CTNND2: variants seen among roughly 807,000 people sequenced by gnomAD.
The protein encoded by CTNND2 is catenin delta-2.
Under a neutral mutation model 144.4 loss-of-function variants are expected in CTNND2, and 22 were observed. The ratio of observed to expected loss-of-function variants is 0.15; its 90% confidence interval spans 0.11 to 0.22. The LOEUF (loss-of-function observed/expected upper bound fraction) is 0.22, where lower values mean the gene tolerates loss of function less well. Ranked by LOEUF, CTNND2 falls within the 10% of genes least tolerant of loss-of-function variation. The pLI is 1.00. For missense variants in CTNND2, 1,353 were observed against 1,618.8 expected, an observed-to-expected ratio of 0.84 and a Z score of 2.82; for synonymous variants, 751 against 695.6, an observed-to-expected ratio of 1.08 and a Z score of -1.25.
intron 16 of CTNND2, among the ~76,000 whole-genome samples, chr5:11,061,623 C>T (rs78600358): frequency 0.065 from 9,910 of 152,194 alleles, 539 homozygotes; most frequent in African/African-American, 0.14. Context: ...TTCCTGACCA[C>T]CCCATTCAAC....
intron 11 of CTNND2, among the ~76,000 whole-genome samples, chr5:11,190,239 C>T (rs1736106946): frequency 1.3e-5 from 2 of 152,218 alleles, no homozygotes; most frequent in Non-Finnish European, 2.9e-5. Flanking sequence ...TAACACTGGA[C>T]TCTCCCAGCC....
chr5:11,306,034 T>C lies in CTNND2; in HGVS notation c.1628+40338A>G, dbSNP rs1685354043. ...AGGTCTTAAGAGAGTTTTTGAAGAC[T>C]TTATACTTGTTCTTAAATGTAACAG... On this transcript the variant is annotated intron_variant, in intron 9 of 21. Coordinates refer to ENST00000304623, the MANE Select transcript of CTNND2 (RefSeq NM_001332.4). 3.3e-5 allele frequency among the ~76,000 whole-genome samples: 5 copies of C among 152,212 alleles called. No individual in the cohort carries two copies. In the South Asian group the frequency reaches 8.3e-4, roughly 25 times the overall value.
intron 9 of CTNND2, among the ~76,000 whole-genome samples, chr5:11,344,398 A>C (rs1754568677): frequency 1.3e-5 from 2 of 152,178 alleles, no homozygotes; most frequent in Admixed American, 1.3e-4. Flanking sequence ...TCTCAAAAAA[A>C]AAAAAAACAT....
intron 2 of CTNND2, among the ~76,000 whole-genome samples, chr5:11,719,309 CTG>C (rs1216937547): frequency 3.3e-5 from 5 of 152,202 alleles, no homozygotes. Flanking sequence ...GTAGCTTACT[CTG>C]TGTCATGGCA....
At chr5:11,358,161 T>C (rs1241326311) in intron 8 of CTNND2, among the ~76,000 whole-genome samples, 1 of 152,176 alleles carries the variant, frequency 6.6e-6, no homozygotes, top group East Asian at 1.9e-4. Flanking sequence ...GCCAGCTGTG[T>C]AATTTTCAGT....
intron 9 of CTNND2, among the ~76,000 whole-genome samples, chr5:11,277,558 G>C (rs1746673271): frequency 7.3e-6 from 1 of 136,742 alleles, no homozygotes. Context: ...TTTTGAGATG[G>C]AGTCTCTCTC....
intron 9 of CTNND2, among the ~76,000 whole-genome samples, chr5:11,261,820 C>CA (rs1744888092): frequency 6.6e-6 from 1 of 152,112 alleles, no homozygotes; most frequent in Admixed American, 6.5e-5. Flanking sequence ...TGAATGGGCC[C>CA]ACAATTTTCC....
chr5:11,060,651 G>C (rs1746859914), intron 16 of CTNND2, among the ~76,000 whole-genome samples: 1 of 152,112 alleles, frequency 6.6e-6, no homozygotes, highest in Non-Finnish European at 1.5e-5. Flanking sequence ...GAATAAATCT[G>C]TTTAAGTTTT....
chr5:11,201,885 G>A (rs1198169301), intron 10 of CTNND2, among the ~76,000 whole-genome samples: 1 of 152,186 alleles, frequency 6.6e-6, no homozygotes, highest in Non-Finnish European at 1.5e-5. Flanking sequence ...GATGATGTTT[G>A]TATTCCTATA....
At chr5:11,638,012 G>T (rs1392203138) in intron 2 of CTNND2, among the ~76,000 whole-genome samples, 1 of 152,258 alleles carries the variant, frequency 6.6e-6, no homozygotes, top group Admixed American at 6.5e-5. Context: ...AATGGGAAAA[G>T]ATAACAGCCT....
chr5:11,293,051 G>C (rs1158723682), intron 9 of CTNND2, among the ~76,000 whole-genome samples: 1 of 152,212 alleles, frequency 6.6e-6, no homozygotes, highest in African/African-American at 2.4e-5. Context: ...CAATGACTCT[G>C]AAGTCATCTA....
chr5:11,668,844 G>A (rs80231848), intron 2 of CTNND2, among the ~76,000 whole-genome samples: 1,795 of 152,172 alleles, frequency 0.012, 27 homozygotes, highest in African/African-American at 0.042. Flanking sequence ...TCTTGTGCTG[G>A]TTTTCTAAGG....
chr5:11,526,190 C>T (rs975608986), intron 3 of CTNND2, among the ~76,000 whole-genome samples: 4 of 152,150 alleles, frequency 2.6e-5, no homozygotes, highest in South Asian at 2.1e-4. Context: ...ACATGAGCCA[C>T]CATGCCCGGT....
intron 14 of CTNND2, among the ~76,000 whole-genome samples, chr5:11,109,186 G>A (rs1752702535): frequency 6.6e-6 from 1 of 152,152 alleles, no homozygotes; most frequent in Non-Finnish European, 1.5e-5. Context: ...AGTTTGCAAG[G>A]ACCTCTTAGA....
chr5:11,027,886 C>G (rs377054575), intron 16 of CTNND2, among the ~76,000 whole-genome samples: 1 of 152,142 alleles, frequency 6.6e-6, no homozygotes, highest in Admixed American at 6.5e-5. Flanking sequence ...GAGGTAACAG[C>G]CTTGCTCTCG....
At chr5:11,250,521 T>TATATATATATATA (rs1561094429) in intron 9 of CTNND2, among the ~76,000 whole-genome samples, 1 of 4,336 alleles carries the variant, frequency 2.3e-4, no homozygotes, top group African/African-American at 7.3e-4. Context: ...ATACATATAT[T>TATATATATATATA]TTTTTTTTTT....
At chr5:11,290,325 G>T (rs1500157) in intron 9 of CTNND2, among the ~76,000 whole-genome samples, 25,103 of 152,070 alleles carry the variant, frequency 0.17, 2,473 homozygotes, top group African/African-American at 0.26. Flanking sequence ...TACCTATGAG[G>T]TACCTGACGG....
intron 10 of CTNND2, among the ~76,000 whole-genome samples, chr5:11,222,074 T>G (rs1282897181): frequency 6.6e-6 from 1 of 152,228 alleles, no homozygotes; most frequent in Non-Finnish European, 1.5e-5. Flanking sequence ...CTCCTTCACC[T>G]GTGATGCAAA....
chr5:11,879,207 T>C (rs2127067658), intron 1 of CTNND2, among the ~76,000 whole-genome samples: 1 of 151,862 alleles, frequency 6.6e-6, no homozygotes, highest in East Asian at 1.9e-4. Flanking sequence ...AGCAGAGCTG[T>C]GGGGCAGACA....
Sources: gnomAD v4.1 joint callset for allele counts (sites outside exome capture counted in the v4.1 genomes callset) on GRCh38, gnomAD v4.1.1 for gene constraint, MANE v1.5 for transcripts, NCBI Gene and HGNC (gene_info 2026-07-23, HGNC 2026-07-21) for gene names.